Variants in SERPINB5 observed in about 807,000 individuals in gnomAD.
SERPINB5 encodes serpin family B member 5.
A neutral mutation model predicts 32.2 loss-of-function variants in SERPINB5; 27 were observed. The observed-to-expected ratio is 0.84, with a 90% CI of 0.62 to 1.16. The LOEUF (loss-of-function observed/expected upper bound fraction) is 1.16, where lower values mean the gene tolerates loss of function less well. Ranked by LOEUF, SERPINB5 falls within the 50% of genes most tolerant of loss-of-function variation. The pLI is 0.00. For missense variants in SERPINB5, 388 were observed against 436.3 expected (o/e 0.89, Z 0.99); for synonymous variants, 154 against 157.4 (o/e 0.98, Z 0.16).
intron 2 of SERPINB5, 143 bp downstream of exon 2, chr18:63,484,739 A>AACTTTT: frequency 2.8e-5 from 4 of 144,454 alleles, no homozygotes; most frequent in East Asian, 9.9e-5. Context: ...GACTCTCTTA[A>AACTTTT]TCTTTTTTTT....
At chr18:63,494,241 GA>G (rs1349870257) in intron 5 of SERPINB5, among the ~76,000 whole-genome samples, 1 of 139,436 alleles carries the variant, frequency 7.2e-6, no homozygotes, top group Non-Finnish European at 1.5e-5. Flanking sequence ...AGAATGGCTT[GA>G]ACCCAGGAGG....
At chr18:63,490,786 T>A (rs546594867) in intron 4 of SERPINB5, 1 of 152,354 alleles carries the variant, frequency 6.6e-6, no homozygotes, top group Admixed American at 6.5e-5. Context: ...AACTGTAAAA[T>A]GAGGCACATG....
intron 5 of SERPINB5, among the ~76,000 whole-genome samples, chr18:63,497,564 A>T (rs561655769): frequency 6.6e-6 from 1 of 152,282 alleles, no homozygotes; most frequent in Non-Finnish European, 1.5e-5. Context: ...AATTTTAAAA[A>T]GACTTAGAGA....
At chr18:63,477,369 A>C (rs1278034927) in intron 1 of SERPINB5, 1 of 152,142 alleles carries the variant, frequency 6.6e-6, no homozygotes, top group Non-Finnish European at 1.5e-5. Flanking sequence ...GGAGGAGAAA[A>C]TACTTCTGAG....
At chr18:63,489,285 A>C in intron 3 of SERPINB5, 62 bp from the exon 4 acceptor site, 4 of 913,052 alleles carry the variant, frequency 4.4e-6, no homozygotes, top group Non-Finnish European at 6.9e-6. Flanking sequence ...TTTTGTTAGA[A>C]GAGAATAACA....
chr18:63,484,347 A>C, intron 1 of SERPINB5, 75 bp from the exon 2 acceptor site: 1 of 1,307,406 alleles, frequency 7.6e-7, no homozygotes, highest in Non-Finnish European at 1.0e-6. Context: ...GAATTCTTAT[A>C]GTGTTGGCAG....
intron 4 of SERPINB5, among the ~76,000 whole-genome samples, chr18:63,491,481 C>CCT (rs1909336881): frequency 7.7e-6 from 1 of 129,446 alleles, no homozygotes. Context: ...TTCTTTCTTT[C>CCT]ATTTTTTTTT....
chr18:63,482,604 T>C (rs961976696), intron 1 of SERPINB5, among the ~76,000 whole-genome samples: 5 of 152,156 alleles, frequency 3.3e-5, no homozygotes, highest in Non-Finnish European at 5.9e-5. Context: ...TACCTAATTG[T>C]CTTTGGAGTC....
chr18:63,493,979 G>A (rs1249218146), intron 5 of SERPINB5, among the ~76,000 whole-genome samples: 5 of 151,946 alleles, frequency 3.3e-5, no homozygotes, highest in African/African-American at 1.2e-4. Context: ...AAGAATTAAG[G>A]GCCTGTTTTG....
chr18:63,503,263 C>T (rs933885216), intron 6 of SERPINB5, 67 bp from the exon 7 acceptor site: 2 of 1,496,390 alleles, frequency 1.3e-6, no homozygotes, highest in Non-Finnish European at 1.8e-6. Context: ...CTTATGTTTT[C>T]AATTGAGCCA....
At position 63,503,905 on chromosome 18, in the gene SERPINB5, T is replaced by C; in HGVS notation, c.*183T>C. On this transcript the variant is annotated 3_prime_UTR_variant, in exon 7 of 7. Coordinates refer to ENST00000382771, the MANE Select transcript of SERPINB5 (RefSeq NM_002639.5). The stretch of plus-strand genomic sequence containing the variant: ...GACCTTTTTTTTTTTTCCAATTCTA[T>C]CTTTTGTTTCCTTTTTTCCCATAAG... 1 of 597,494 alleles carries C rather than the reference T, an allele frequency of 1.7e-6. No homozygotes were observed. Among genetic ancestry groups the C allele is most frequent in the East Asian group, 2.9e-5 (1 of 34,860 alleles). 37.0% of individuals were successfully genotyped at this position (597,494 alleles called of 1,614,324 possible).
At chr18:63,489,032 A>T (rs1402917235) in intron 3 of SERPINB5, among the ~76,000 whole-genome samples, 1 of 152,218 alleles carries the variant, frequency 6.6e-6, no homozygotes, top group East Asian at 1.9e-4. Context: ...GTATCTGTAG[A>T]CATACAAAAT....
Position 63,498,751 on chromosome 18 carries a change from A to G in SERPINB5, c.568-369A>G, listed in dbSNP as rs12962066. Among the ~76,000 whole-genome samples the G allele has an allele frequency of 2.9e-5, 4 of 138,746 alleles. No individual in the cohort carries two copies. The highest frequency in any genetic ancestry group is 7.3e-5 in the Admixed American group (1 of 13,768). 91.0% of individuals were successfully genotyped at this position (138,746 alleles called of 152,430 possible). On this transcript the variant is annotated intron_variant, in intron 5 of 6. Coordinates refer to ENST00000382771, the MANE Select transcript of SERPINB5 (RefSeq NM_002639.5). This position sits in a 1 kb window ranked among gnomAD's most constrained non-coding sequence, Gnocchi z 4.2. ...CACTGTGTCAAGAGCAAATTTGTGTATATATATATATGTACATATATATTT... is the reference window on the plus strand; with the variant it reads ...CACTGTGTCAAGAGCAAATTTGTGTGTATATATATATGTACATATATATTT...
rs2144513377 is a variant in SERPINB5, at chr18:63,503,449, G to A, written c.855G>A (p.Lys285=). 6.2e-7 allele frequency: 1 copy of A among 1,614,246 alleles called. No homozygotes were observed. Among genetic ancestry groups the A allele is most frequent in the South Asian group, 1.1e-5 (1 of 91,092 alleles). ...AGGTGGAAAAGATGATTGATCCCAA[G>A]GCTTGTCTGGAAAATCTAGGGCTGA... is the stretch of plus-strand genomic sequence containing the variant. ...KFKVEKMIDP[K]ACLENLGLKH... is the part of the protein sequence containing the mutation. The change falls in exon 7 of 7, where the codon AAG becomes AAA. Residue 285 remains lysine (K), a synonymous_variant. Transcript: ENST00000382771.
Position 63,503,866 on chromosome 18 carries a change from C to T in SERPINB5, c.*144C>T, listed in dbSNP as rs755619643. The T allele has an allele frequency of 2.4e-5, 19 of 784,452 alleles. No individual in the cohort carries two copies. Among genetic ancestry groups the T allele is most frequent in the Non-Finnish European group, 3.9e-5 (19 of 484,594 alleles). 48.6% of individuals were successfully genotyped at this position (784,452 alleles called of 1,614,324 possible). On this transcript the variant is annotated 3_prime_UTR_variant, in exon 7 of 7. Coordinates refer to ENST00000382771, the MANE Select transcript of SERPINB5 (RefSeq NM_002639.5). ...AGCCGCCAGTACTTGTCATATGTAG[C>T]CTTCACACAGATAGACCTTTTTTTT...
chr18:63,494,922 A>G (rs1294577679), intron 5 of SERPINB5, among the ~76,000 whole-genome samples: 2 of 152,210 alleles, frequency 1.3e-5, no homozygotes, highest in East Asian at 1.9e-4. Flanking sequence ...TGCTGAATGA[A>G]TGATCAGTCC....
At chr18:63,503,201 C>T in intron 6 of SERPINB5, 129 bp from the exon 7 acceptor site, 1 of 1,040,224 alleles carries the variant, frequency 9.6e-7, no homozygotes, top group East Asian at 2.6e-5. Flanking sequence ...AACTTCTGGG[C>T]CATCTTTGAT....
rs1909638748 is a variant in SERPINB5, at chr18:63,504,440, G to T, written c.*718G>T. ...ATAAAGACTAAGTAGCCCATAAGGG[G>T]TCAAAATTTGCTGCCAAATGCGTAT... is the stretch of plus-strand genomic sequence containing the variant. On this transcript the variant is annotated 3_prime_UTR_variant, in exon 7 of 7. Coordinates refer to ENST00000382771, the MANE Select transcript of SERPINB5 (RefSeq NM_002639.5). 1 of 152,192 alleles carries T rather than the reference G, an allele frequency of 6.6e-6. No individual in the cohort carries two copies. The highest frequency in any genetic ancestry group is 2.1e-4 in the South Asian group (1 of 4,830). The allele number at this position is 152,192 out of a possible 1,614,324, so 9.4% of individuals were successfully genotyped here.
In SERPINB5 at chr18:63,503,563, C is replaced by T. The variant is rs765753474; in HGVS notation, c.969C>T (p.Cys323=). The T allele has an allele frequency of 1.9e-5, 31 of 1,614,114 alleles. No homozygotes were observed. The highest frequency in any genetic ancestry group is 2.4e-5 in the Non-Finnish European group (28 of 1,180,042). The change falls in exon 7 of 7, where the codon TGC becomes TGT. Residue 323 remains cysteine (C), a synonymous_variant. Transcript: ENST00000382771. ...VALSNVIHKV[C]LEITEDGGDS... ...TATCAAATGTTATCCACAAAGTGTG[C>T]TTAGAAATAACTGAAGATGGTGGGG...
Sources: gnomAD v4.1 joint callset for allele counts (sites outside exome capture counted in the v4.1 genomes callset) on GRCh38, gnomAD v4.1.1 for gene constraint, Gnocchi (gnomAD v3.1) non-coding constraint, MANE v1.5 for transcripts, NCBI Gene and HGNC (gene_info 2026-07-23, HGNC 2026-07-21) for gene names.